The following MGAT3 variants were observed in gnomAD, a reference collection of about 807,000 sequenced individuals.
The protein encoded by MGAT3 is beta-1,4-mannosyl-glycoprotein 4-beta-N-acetylglucosaminyltransferase, also known as GlcNAc-T III.
A neutral mutation model predicts 29.8 loss-of-function variants in MGAT3; 9 were observed. The observed-to-expected ratio is 0.30, with a 90% confidence interval of 0.18 to 0.53. MGAT3 has a LOEUF of 0.53. Ranked by LOEUF, MGAT3 falls within the 20% of genes least tolerant of loss-of-function variation. The pLI, the probability that MGAT3 is intolerant of heterozygous loss-of-function variation, is 0.96. For synonymous variants in MGAT3, 397 were observed against 348.9 expected (o/e 1.14, Z -1.54); for missense variants, 557 against 769.5 (o/e 0.72, Z 3.27).
intron 1 of MGAT3, among the ~76,000 whole-genome samples, chr22:39,464,102 C>T (rs1035394224): frequency 6.6e-6 from 1 of 151,974 alleles, no homozygotes; most frequent in African/African-American, 2.4e-5. Flanking sequence ...GCTCTTCATA[C>T]ACCGCGCTCA....
Position 39,487,772 on chromosome 22 carries a change from G to T in MGAT3, c.425G>T (p.Gly142Val). Reference protein sequence around the residue: ...RPEEKPEGANGSSARRPPRYL... With the variant: ...RPEEKPEGANVSSARRPPRYL... ...GAGGAGAAGCCTGAGGGGGCCAACGGCTCCTCGGCCCGGCGGCCACCCCGG... is the reference window on the plus strand; with the variant it reads ...GAGGAGAAGCCTGAGGGGGCCAACGTCTCCTCGGCCCGGCGGCCACCCCGG... Residue 142 changes from glycine (G) to valine (V), a missense_variant, in exon 2 of 2, where the codon GGC (glycine) becomes GTC (valine). Physicochemically the swap from Gly to Val is moderately radical, Grantham distance 109 (BLOSUM62 -3). This residue lies in a region of MGAT3 where 212 missense variants were observed against 228.5 expected (regional missense o/e 0.93). Coordinates refer to ENST00000341184, the MANE Select transcript of MGAT3 (RefSeq NM_002409.5). The surrounding 1 kb of genome is among the most constrained non-coding windows in gnomAD (Gnocchi z 5.7). 1 of 1,500,926 alleles carries T rather than the reference G, an allele frequency of 6.7e-7. No individual in the cohort carries two copies. Among genetic ancestry groups the T allele is most frequent in the Non-Finnish European group, 8.9e-7 (1 of 1,127,942 alleles). 93.0% of individuals were successfully genotyped at this position (1,500,926 alleles called of 1,614,324 possible).
chr22:39,459,609 G>A lies in MGAT3; in HGVS notation c.-2+2052G>A, dbSNP rs530561996. On this transcript the variant is annotated intron_variant, in intron 1 of 1. Coordinates refer to ENST00000341184, the MANE Select transcript of MGAT3 (RefSeq NM_002409.5). ...CTCCTGGGTAGCTAGGACTACAGGC[G>A]TGAGCCAACACACCCTGCTAATTTT... is the stretch of plus-strand genomic sequence containing the variant. Among the ~76,000 whole-genome samples, 148 of 152,226 alleles carry A rather than the reference G, an allele frequency of 9.7e-4. 2 individuals are homozygous for A. Among genetic ancestry groups the A allele is most frequent in the South Asian group, 6.2e-3 (30 of 4,818 alleles).
rs1601732587 is a variant in MGAT3, at chr22:39,489,351, C to T, written c.*402C>T. ...GGAAAAAGCCCACCATTTGGCATCC[C>T]TGGGCCTTGGGCTCCGTGTGGGAGA... On this transcript the variant is annotated 3_prime_UTR_variant, in exon 2 of 2. Coordinates refer to ENST00000341184, the MANE Select transcript of MGAT3 (RefSeq NM_002409.5). 4.0e-6 allele frequency: 1 copy of T among 249,442 alleles called. No homozygotes were observed. Among genetic ancestry groups the T allele is most frequent in the East Asian group, 1.0e-4 (1 of 9,910 alleles). The allele number at this position is 249,442 out of a possible 1,614,324, so 15.5% of individuals were successfully genotyped here. A position where few individuals can be genotyped will look rare whatever the true frequency, so the allele number is the denominator to read the frequency against.
At chr22:39,470,983 C>T (rs141083188) in intron 1 of MGAT3, among the ~76,000 whole-genome samples, 74 of 152,308 alleles carry the variant, frequency 4.9e-4, no homozygotes, top group African/African-American at 1.8e-3. Flanking sequence ...CAGGACAGCC[C>T]AGGGTCCAGG....
At chr22:39,467,132 T>C (rs5995736) in intron 1 of MGAT3, among the ~76,000 whole-genome samples, 1 of 152,224 alleles carries the variant, frequency 6.6e-6, no homozygotes. Context: ...TAGCGTCTCT[T>C]AGGCTGCGCA....
chr22:39,467,669 T>A (rs1359284542), intron 1 of MGAT3, among the ~76,000 whole-genome samples: 5 of 151,606 alleles, frequency 3.3e-5, no homozygotes, highest in African/African-American at 1.2e-4. Context: ...TCGTTTCGTT[T>A]CGTTTTGTTT....
intron 1 of MGAT3, among the ~76,000 whole-genome samples, chr22:39,462,607 C>A (rs568146837): frequency 6.6e-6 from 1 of 152,258 alleles, no homozygotes; most frequent in African/African-American, 2.4e-5. Flanking sequence ...AGTGAGGCTT[C>A]GGGAAGGGGC....
intron 1 of MGAT3, among the ~76,000 whole-genome samples, chr22:39,481,988 C>T (rs188418707): frequency 1.4e-4 from 22 of 152,238 alleles, no homozygotes; most frequent in South Asian, 4.1e-4. Flanking sequence ...GTCTCACTCC[C>T]CTGCCCAGGC....
At chr22:39,482,686 A>C (rs911650256) in intron 1 of MGAT3, among the ~76,000 whole-genome samples, 1 of 152,242 alleles carries the variant, frequency 6.6e-6, no homozygotes, top group South Asian at 2.1e-4. Context: ...GATTGAAACT[A>C]TGCGGGCAGC....
intron 1 of MGAT3, among the ~76,000 whole-genome samples, chr22:39,482,575 A>T (rs1418532344): frequency 6.6e-6 from 1 of 152,234 alleles, no homozygotes; most frequent in Non-Finnish European, 1.5e-5. Flanking sequence ...TGCCTGTGAG[A>T]TTTAAATGAG....
chr22:39,482,763 G>C (rs1929162503), intron 1 of MGAT3, among the ~76,000 whole-genome samples: 1 of 152,210 alleles, frequency 6.6e-6, no homozygotes, highest in African/African-American at 2.4e-5. Flanking sequence ...GCTGACCACT[G>C]TGTGCTTCTG....
Position 39,487,246 on chromosome 22 carries a change from A to G in MGAT3, c.-1-101A>G. 1 of 1,262,384 alleles carries G rather than the reference A, an allele frequency of 7.9e-7. No individual in the cohort carries two copies. 78.2% of individuals were successfully genotyped at this position (1,262,384 alleles called of 1,614,324 possible). On this transcript the variant is annotated intron_variant, in intron 1 of 1. Transcript: ENST00000341184. The surrounding 1 kb of genome is among the most constrained non-coding windows in gnomAD (Gnocchi z 5.7). ...GCAGGGGCAGCAGGTGCTGGCCACC[A>G]CATTGTCCAGCAAGGTGGCAGCAGA...
intron 1 of MGAT3, among the ~76,000 whole-genome samples, chr22:39,464,903 A>G (rs563715449): frequency 2.0e-5 from 3 of 149,374 alleles, no homozygotes; most frequent in Non-Finnish European, 3.0e-5. Context: ...GGCGCCTGCC[A>G]CCACACCTGG....
At chr22:39,466,790 T>C (rs954830694) in intron 1 of MGAT3, among the ~76,000 whole-genome samples, 3 of 152,226 alleles carry the variant, frequency 2.0e-5, no homozygotes, top group Non-Finnish European at 4.4e-5. Flanking sequence ...CTTTTCCCAC[T>C]ATCCTCCTAC....
In MGAT3 at chr22:39,487,903, A is replaced by T; in HGVS notation, c.556A>T (p.Thr186Ser). ...GWHGPSCGVP[T>S]VVQYSNLPTK... ...GCACGGACCCAGCTGCGGCGTGCCC[A>T]CTGTGGTGCAGTACTCCAACCTGCC... The change falls in exon 2 of 2, where the codon ACT becomes TCT. Residue 186 changes from threonine to serine, a missense_variant. Thr to Ser is a moderately conservative substitution (Grantham distance 58). Transcript: ENST00000341184. This position sits in a 1 kb window ranked among gnomAD's most constrained non-coding sequence, Gnocchi z 5.7. 6.3e-7 allele frequency: 1 copy of T among 1,593,104 alleles called. No homozygotes were observed. The highest frequency in any genetic ancestry group is 8.6e-7 in the Non-Finnish European group (1 of 1,169,008).
In MGAT3 at chr22:39,489,106, A is replaced by C; in HGVS notation, c.*157A>C. 2.0e-6 allele frequency: 2 copies of C among 1,002,996 alleles called. No homozygotes were observed. The highest frequency in any genetic ancestry group is 2.9e-6 in the Non-Finnish European group (2 of 691,928). 62.1% of individuals were successfully genotyped at this position (1,002,996 alleles called of 1,614,324 possible). A position where few individuals can be genotyped will look rare whatever the true frequency, so the allele number is the denominator to read the frequency against. ...GGTTTCCCTACTGAAGCCCTTGTGA[A>C]TCAAGGGTCAGGCCTTTGAGCTCAG... On this transcript the variant is annotated 3_prime_UTR_variant, in exon 2 of 2. Coordinates refer to ENST00000341184, the MANE Select transcript of MGAT3 (RefSeq NM_002409.5).
chr22:39,457,025 C>T lies in MGAT3; in HGVS notation c.-534C>T, dbSNP rs899688842. Reference sequence around the variant, plus strand: ...GCGCACACTCGCACTCACACACACTCGCTCGCACACGCACACACTCGATCC... The same window carrying T: ...GCGCACACTCGCACTCACACACACTTGCTCGCACACGCACACACTCGATCC... On this transcript the variant is annotated 5_prime_UTR_variant, in exon 1 of 2. Coordinates refer to ENST00000341184, the MANE Select transcript of MGAT3 (RefSeq NM_002409.5). The surrounding 1 kb of genome is among the most constrained non-coding windows in gnomAD (Gnocchi z 6.8). Among the ~76,000 whole-genome samples, 84 of 151,410 alleles carry T rather than the reference C, an allele frequency of 5.5e-4. No individual in the cohort carries two copies. The highest frequency in any genetic ancestry group is 1.2e-3 in the Non-Finnish European group (80 of 67,812).
intron 1 of MGAT3, among the ~76,000 whole-genome samples, chr22:39,466,354 T>A (rs2145711936): frequency 6.6e-6 from 1 of 152,284 alleles, no homozygotes; most frequent in African/African-American, 2.4e-5. Context: ...GCAGGAGGCC[T>A]GTGTTGCTCT....
chr22:39,484,689 C>T (rs896400185), intron 1 of MGAT3, among the ~76,000 whole-genome samples: 2 of 151,976 alleles, frequency 1.3e-5, no homozygotes, highest in African/African-American at 2.4e-5. Flanking sequence ...CCTATCTTTC[C>T]ACCCTACCTT....
Sources: gnomAD v4.1 joint callset for allele counts (sites outside exome capture counted in the v4.1 genomes callset) on GRCh38, gnomAD v4.1.1 for gene constraint, gnomAD v4.1.1 regional missense constraint, Gnocchi (gnomAD v3.1) non-coding constraint, MANE v1.5 for transcripts, NCBI Gene and HGNC (gene_info 2026-07-23, HGNC 2026-07-21) for gene names.